The following MORF4L1 variants were observed in gnomAD, a reference collection of about 807,000 sequenced individuals.
The protein encoded by MORF4L1 is mortality factor 4 like 1, also known as mortality factor 4-like protein 1.
MORF4L1 carries 4 observed loss-of-function variants against 52.9 expected under a neutral mutation model. The observed-to-expected ratio is 0.08, with a 90% CI of 0.04 to 0.17. The LOEUF (loss-of-function observed/expected upper bound fraction) is 0.17, where lower values mean the gene tolerates loss of function less well. MORF4L1 is among the 10% of genes least tolerant of loss of function. The probability of loss-of-function intolerance (pLI) is 1.00; values close to 1 mark genes in which losing one functional copy is unlikely to be tolerated. For synonymous variants in MORF4L1, 123 were observed against 134.8 expected (o/e 0.91, Z 0.61); for missense variants, 214 against 390.4 (o/e 0.55, Z 3.81).
At chr15:78,879,237 C>T (rs1378032647) in intron 2 of MORF4L1, among the ~76,000 whole-genome samples, 1 of 151,900 alleles carries the variant, frequency 6.6e-6, no homozygotes, top group African/African-American at 2.4e-5. Flanking sequence ...CCCGCCCCGC[C>T]CCCCAAGACA....
intron 1 of MORF4L1, chr15:78,873,335 G>A (rs2056406214): frequency 4.2e-6 from 4 of 944,102 alleles, no homozygotes; most frequent in East Asian, 4.6e-5. Flanking sequence ...TTGTTCTGAG[G>A]AAGAGGGCGC....
Position 78,890,951 on chromosome 15 carries a change from T to C in MORF4L1, c.324-38T>C, listed in dbSNP as rs1036822272. 2.1e-6 allele frequency: 3 copies of C among 1,406,656 alleles called. No individual in the cohort carries two copies. In the African/African-American group the frequency reaches 4.3e-5, roughly 20 times the overall value. 87.1% of individuals were successfully genotyped at this position (1,406,656 alleles called of 1,614,324 possible). ...GGAGTTGAAACAGAGGCAGTTTTAC[T>C]GGAAATAATTATTTTTCTTTTTTTT... is the stretch of plus-strand genomic sequence containing the variant. On this transcript the variant is annotated intron_variant, in intron 5 of 11. Transcript: ENST00000426013.
intron 4 of MORF4L1, among the ~76,000 whole-genome samples, chr15:78,886,902 C>T (rs978983990): frequency 6.7e-6 from 1 of 148,546 alleles, no homozygotes; most frequent in African/African-American, 2.5e-5. Flanking sequence ...TTTCAGTGAG[C>T]GGAGATCGCG....
chr15:78,889,128 C>G (rs1323984896), intron 5 of MORF4L1, among the ~76,000 whole-genome samples: 1 of 152,108 alleles, frequency 6.6e-6, no homozygotes, highest in African/African-American at 2.4e-5. Flanking sequence ...AAAATAATGG[C>G]TGAGTAAATA....
intron 1 of MORF4L1, 160 bp downstream of exon 1, chr15:78,873,217 C>T (rs1401535417): frequency 7.3e-6 from 11 of 1,513,528 alleles, no homozygotes; most frequent in African/African-American, 2.8e-5. Context: ...ATGGCAATTC[C>T]GGTGCGTCAT....
chr15:78,884,214 AC>A lies in MORF4L1; in HGVS notation c.156-1926del, dbSNP rs1208353699. Among the ~76,000 whole-genome samples, 100 of 135,966 alleles carry A rather than the reference AC, an allele frequency of 7.4e-4. 1 individual carries two copies. The highest frequency in any genetic ancestry group is 3.0e-3 in the African/African-American group (99 of 33,166). 89.2% of individuals were successfully genotyped at this position (135,966 alleles called of 152,430 possible). A position where few individuals can be genotyped will look rare whatever the true frequency, so the allele number is the denominator to read the frequency against. Reference sequence around the variant, plus strand: ...GCAAGACTCCATCTCAAAAAAAAAAACAAAAAGCTGAAATTCTTGCCAGGCG... The same window carrying A: ...GCAAGACTCCATCTCAAAAAAAAAAAAAAAAGCTGAAATTCTTGCCAGGCG... On this transcript the variant is annotated intron_variant, in intron 3 of 11. Coordinates refer to ENST00000426013, the MANE Select transcript of MORF4L1 (RefSeq NM_006791.4).
chr15:78,894,528 C>T lies in MORF4L1; in HGVS notation c.803-292C>T, dbSNP rs573890440. On this transcript the variant is annotated intron_variant, in intron 10 of 11. Coordinates refer to ENST00000426013, the MANE Select transcript of MORF4L1 (RefSeq NM_006791.4). ...GGTTCAACAATTCTCCTGCCTCAGCCTCCCAAGTAGCTGGGATCACAGGTG... is the reference window on the plus strand; with the variant it reads ...GGTTCAACAATTCTCCTGCCTCAGCTTCCCAAGTAGCTGGGATCACAGGTG... 9.3e-4 allele frequency: 356 copies of T among 381,062 alleles called. 6 individuals are homozygous for T. The South Asian group carries it at 0.014, about 15-fold the overall frequency. 23.6% of individuals were successfully genotyped at this position (381,062 alleles called of 1,614,324 possible).
At chr15:78,873,287 CG>C in intron 1 of MORF4L1, 1 of 1,356,080 alleles carries the variant, frequency 7.4e-7, no homozygotes, top group Non-Finnish European at 9.8e-7. Context: ...GGAGAGAGAG[CG>C]TTTGGCGCGT....
At chr15:78,896,308 C>CTTTTTTTTTTTTTTTTTTTTT (rs71148578) in intron 11 of MORF4L1, among the ~76,000 whole-genome samples, 5 of 81,448 alleles carry the variant, frequency 6.1e-5, no homozygotes, top group East Asian at 7.5e-4. Flanking sequence ...CTTTTCTTTT[C>CTTTTTTTTTTTTTTTTTTTTT]TTTTTTTTTT....
At chr15:78,895,987 T>A (rs934558354) in intron 11 of MORF4L1, among the ~76,000 whole-genome samples, 5 of 152,150 alleles carry the variant, frequency 3.3e-5, no homozygotes, top group Non-Finnish European at 7.3e-5. Flanking sequence ...AAAAAAAGTT[T>A]ATTCATTTAG....
At chr15:78,894,281 C>A (rs749810579) in intron 10 of MORF4L1, 51 bp downstream of exon 10, 1 of 1,436,122 alleles carries the variant, frequency 7.0e-7, no homozygotes, top group South Asian at 1.4e-5. Flanking sequence ...GGGGTCTTCT[C>A]TAAATGAATA....
At chr15:78,891,339 G>C in intron 6 of MORF4L1, 145 bp from the exon 7 acceptor site, 1 of 690,728 alleles carries the variant, frequency 1.4e-6, no homozygotes, top group South Asian at 1.9e-5. Context: ...TGTATTTTTG[G>C]TAGGAATATG....
In MORF4L1 at chr15:78,893,590, G is replaced by A. The variant is rs2056836299; in HGVS notation, c.592G>A (p.Ala198Thr). ...TGTGGATTCCATTCTTGAGGATTAT[G>A]CAAATTACAAGAAATCTCGTGGAAA... Reference protein sequence around the residue: ...KNVDSILEDYANYKKSRGNTD... With the variant: ...KNVDSILEDYTNYKKSRGNTD... The change falls in exon 9 of 12, where the codon GCA becomes ACA. Residue 198 changes from alanine to threonine, a missense_variant. By Grantham distance (58) the Ala-to-Thr change is moderately conservative (BLOSUM62 0). Coordinates refer to ENST00000426013, the MANE Select transcript of MORF4L1 (RefSeq NM_006791.4). 1 of 1,603,084 alleles carries A rather than the reference G, an allele frequency of 6.2e-7. No homozygotes were observed. The highest frequency in any genetic ancestry group is 1.7e-5 in the Admixed American group (1 of 59,446).
chr15:78,877,118 T>TTTTTTTTTTTGA, intron 1 of MORF4L1, among the ~76,000 whole-genome samples: 1 of 10,006 alleles, frequency 1.0e-4, no homozygotes, highest in African/African-American at 1.3e-4. Context: ...GGCTGATTTT[T>TTTTTTTTTTTGA]TTTTTTTTTT....
chr15:78,887,544 C>G (rs1026163477), intron 5 of MORF4L1, 195 bp downstream of exon 5: 2 of 454,994 alleles, frequency 4.4e-6, no homozygotes, highest in Admixed American at 4.1e-5. Context: ...GGTTCCCCCT[C>G]CCTTTAACTT....
chr15:78,876,985 G>A (rs1335553971), intron 1 of MORF4L1, among the ~76,000 whole-genome samples: 3 of 151,982 alleles, frequency 2.0e-5, no homozygotes, highest in Non-Finnish European at 2.9e-5. Context: ...TCCCATCCGG[G>A]CTGGAGTGCA....
chr15:78,878,954 G>A (rs965418145), intron 2 of MORF4L1, among the ~76,000 whole-genome samples: 2 of 152,104 alleles, frequency 1.3e-5, no homozygotes, highest in African/African-American at 2.4e-5. Context: ...AATTCTTGGT[G>A]AGTAGTTTTA....
intron 3 of MORF4L1, 63 bp from the exon 4 acceptor site, chr15:78,886,078 C>A: frequency 7.9e-7 from 1 of 1,263,248 alleles, no homozygotes; most frequent in Non-Finnish European, 1.2e-6. Context: ...GCCTCTTGAT[C>A]TCAGAAAATT....
At chr15:78,877,167 C>T (rs1417552285) in intron 1 of MORF4L1, among the ~76,000 whole-genome samples, 3 of 134,546 alleles carry the variant, frequency 2.2e-5, no homozygotes, top group Admixed American at 8.6e-5. Context: ...CTCACCCAGG[C>T]TGGAGTGCGG....
Sources: allele counts gnomAD v4.1 joint callset (sites outside exome capture counted in the v4.1 genomes callset), GRCh38; gene constraint gnomAD v4.1.1; transcripts MANE v1.5; gene names NCBI Gene and HGNC (gene_info 2026-07-23, HGNC 2026-07-21).